The following RC3H1 variants were observed in gnomAD, a reference collection of about 807,000 sequenced individuals.
RC3H1 encodes roquin-1.
In RC3H1, 50 loss-of-function variants were observed where a neutral mutation model predicts 138.2. The observed-to-expected ratio is 0.36, with a 90% CI of 0.29 to 0.46. RC3H1 has a LOEUF of 0.46. Among genes scored for constraint, RC3H1 ranks in the 20% least tolerant of loss-of-function variants. The pLI is 1.00. For missense variants in RC3H1, 1,031 were observed against 1,388.1 expected, an observed-to-expected ratio of 0.74 and a Z score of 4.09; for synonymous variants, 462 against 489.1, an observed-to-expected ratio of 0.94 and a Z score of 0.73.
At chr1:173,965,945 A>C (rs1291726048) in intron 9 of RC3H1, among the ~76,000 whole-genome samples, 5 of 152,074 alleles carry the variant, frequency 3.3e-5, no homozygotes, top group African/African-American at 1.2e-4. Context: ...GTTTGAGACT[A>C]GCCTGAGCAA....
Position 173,989,719 on chromosome 1 carries a change from T to C in RC3H1, c.231+3036A>G, listed in dbSNP as rs1055643720. ...GTAAATGTTTATTCAAGTTTTTTTT[T>C]TTTTTTTTTTTTTTTTTTGAGACGG... is the stretch of plus-strand genomic sequence containing the variant. On this transcript the variant is annotated intron_variant, in intron 2 of 19. Transcript: ENST00000367696. Among the ~76,000 whole-genome samples, 3 of 135,886 alleles carry C rather than the reference T, an allele frequency of 2.2e-5. No homozygotes were observed. The East Asian group carries it at 6.2e-4, about 28-fold the overall frequency. 89.1% of individuals were successfully genotyped at this position (135,886 alleles called of 152,430 possible).
chr1:174,022,256 T>C lies in RC3H1; in HGVS notation c.-311A>G. ...GCCACCGCCAGCACCGCCTCCGGCC[T>C]CCCACCTGCTGCTGCTGAGGCTGCT... On this transcript the variant is annotated 5_prime_UTR_variant, in exon 1 of 20. Transcript: ENST00000367696. This position sits in a 1 kb window ranked among gnomAD's most constrained non-coding sequence, Gnocchi z 4.2. 2.6e-6 allele frequency: 1 copy of C among 390,538 alleles called. No homozygotes were observed. Among genetic ancestry groups the C allele is most frequent in the Non-Finnish European group, 4.5e-6 (1 of 221,264 alleles). The allele number at this position is 390,538 out of a possible 1,614,324, so 24.2% of individuals were successfully genotyped here.
chr1:173,996,541 C>A (rs1661463972), intron 1 of RC3H1, among the ~76,000 whole-genome samples: 1 of 152,086 alleles, frequency 6.6e-6, no homozygotes, highest in Admixed American at 6.5e-5. Flanking sequence ...AATGCAGTCA[C>A]CTAGACAGCT....
At chr1:173,984,380 G>C in intron 3 of RC3H1, 119 bp downstream of exon 3, 1 of 832,656 alleles carries the variant, frequency 1.2e-6, no homozygotes, top group Non-Finnish European at 1.8e-6. Context: ...ATGGATAATT[G>C]CATCAAATTT....
intron 14 of RC3H1, among the ~76,000 whole-genome samples, 196 bp downstream of exon 14, chr1:173,951,790 A>G (rs1047061650): frequency 2.6e-5 from 4 of 152,214 alleles, no homozygotes; most frequent in African/African-American, 9.6e-5. Context: ...CTGTCTCGGT[A>G]AGTATTAAAA....
chr1:173,939,149 C>T (rs908178019), intron 19 of RC3H1, among the ~76,000 whole-genome samples: 1 of 151,954 alleles, frequency 6.6e-6, no homozygotes, highest in Non-Finnish European at 1.5e-5. Flanking sequence ...AACCACAGAG[C>T]AGAGTTGAGA....
intron 8 of RC3H1, among the ~76,000 whole-genome samples, chr1:173,971,656 G>A (rs960304021): frequency 1.3e-5 from 2 of 152,168 alleles, no homozygotes; most frequent in African/African-American, 4.8e-5. Flanking sequence ...TTTTCTTCAA[G>A]ATGTCTAATG....
chr1:174,017,591 G>A (rs1210168280), intron 1 of RC3H1, among the ~76,000 whole-genome samples: 1 of 151,986 alleles, frequency 6.6e-6, no homozygotes, highest in African/African-American at 2.4e-5. Context: ...TGCTTAATGG[G>A]TACAGTGTTT....
chr1:173,971,134 G>A (rs1267294159), intron 8 of RC3H1, among the ~76,000 whole-genome samples: 8 of 151,726 alleles, frequency 5.3e-5, no homozygotes, highest in Non-Finnish European at 1.0e-4. Context: ...GCTAATTTTT[G>A]TATTTTTAGT....
At chr1:173,999,061 T>G (rs1214684719) in intron 1 of RC3H1, among the ~76,000 whole-genome samples, 1 of 151,200 alleles carries the variant, frequency 6.6e-6, no homozygotes, top group South Asian at 2.1e-4. Context: ...ACCACTGCAC[T>G]GCAGCCTGGG....
In RC3H1 at chr1:173,932,337, T is replaced by A. The variant is rs1044613589; in HGVS notation, c.*6384A>T. On this transcript the variant is annotated 3_prime_UTR_variant, in exon 20 of 20. Coordinates refer to ENST00000367696, the MANE Select transcript of RC3H1 (RefSeq NM_172071.4). The stretch of plus-strand genomic sequence containing the variant: ...TATGAGCCTAAAGACCAAATTACCA[T>A]AGTCAGAGAAAAAGGGCAGAAGGGG... 1.3e-5 allele frequency: 2 copies of A among 151,730 alleles called. No homozygotes were observed. The highest frequency in any genetic ancestry group is 4.8e-5 in the African/African-American group (2 of 41,314). 9.4% of individuals were successfully genotyped at this position (151,730 alleles called of 1,614,324 possible).
At chr1:173,965,911 C>A (rs12078262) in intron 9 of RC3H1, among the ~76,000 whole-genome samples, 6 of 152,152 alleles carry the variant, frequency 3.9e-5, no homozygotes, top group African/African-American at 1.4e-4. Flanking sequence ...GAGGCTGAAG[C>A]GGGCGAATCA....
At chr1:174,017,378 A>AAAGAG (rs1491386823) in intron 1 of RC3H1, among the ~76,000 whole-genome samples, 5 of 148,556 alleles carry the variant, frequency 3.4e-5, no homozygotes, top group Admixed American at 6.6e-5. Context: ...TTTCTTCCAT[A>AAAGAG]AAGAGTCCCT....
intron 13 of RC3H1, among the ~76,000 whole-genome samples, chr1:173,952,514 T>G (rs190664785): frequency 6.6e-6 from 1 of 151,934 alleles, no homozygotes; most frequent in African/African-American, 2.4e-5. Flanking sequence ...TAAGCATATA[T>G]GTACCAAGCC....
chr1:174,010,808 T>C (rs1661737106), intron 1 of RC3H1, among the ~76,000 whole-genome samples: 1 of 152,180 alleles, frequency 6.6e-6, no homozygotes, highest in Non-Finnish European at 1.5e-5. Context: ...CAACTCAATT[T>C]TTAAAAAGGA....
At chr1:174,019,432 T>C (rs1372353279) in intron 1 of RC3H1, among the ~76,000 whole-genome samples, 2 of 152,216 alleles carry the variant, frequency 1.3e-5, no homozygotes, top group Admixed American at 1.3e-4. Context: ...TACCTATTAA[T>C]TATGTGATCT....
At chr1:173,944,854 A>G (rs1025767774) in intron 17 of RC3H1, among the ~76,000 whole-genome samples, 4 of 152,134 alleles carry the variant, frequency 2.6e-5, no homozygotes, top group African/African-American at 9.7e-5. Flanking sequence ...ACAATCTCCT[A>G]CTGGTCTTCC....
intron 17 of RC3H1, 59 bp downstream of exon 17, chr1:173,946,417 A>T: frequency 6.5e-7 from 1 of 1,533,770 alleles, no homozygotes; most frequent in South Asian, 1.2e-5. Context: ...AAAAGTTCCT[A>T]TTTAAAATCT....
intron 13 of RC3H1, among the ~76,000 whole-genome samples, chr1:173,957,510 C>T (rs1177470261): frequency 1.3e-5 from 2 of 152,086 alleles, no homozygotes; most frequent in Non-Finnish European, 2.9e-5. Flanking sequence ...CCAGGGTGTA[C>T]TCTAATAAAG....
Sources: allele counts gnomAD v4.1 joint callset (sites outside exome capture counted in the v4.1 genomes callset), GRCh38; gene constraint gnomAD v4.1.1; non-coding constraint Gnocchi (gnomAD v3.1); transcripts MANE v1.5; gene names NCBI Gene and HGNC (gene_info 2026-07-23, HGNC 2026-07-21).